Variants in CFAP299 observed in about 807,000 individuals in gnomAD.
CFAP299 encodes the protein cilia and flagella associated protein 299.
CFAP299 carries 21 observed loss-of-function variants against 27.0 expected under a neutral mutation model. The observed-to-expected ratio is 0.78, with a 90% CI of 0.55 to 1.12. The LOEUF (loss-of-function observed/expected upper bound fraction) is 1.12, where lower values mean the gene tolerates loss of function less well. Among genes scored for constraint, CFAP299 ranks in the 50% most tolerant of loss-of-function variants. The probability of loss-of-function intolerance (pLI) is 0.00; values close to 1 mark genes in which losing one functional copy is unlikely to be tolerated. For synonymous variants in CFAP299, 104 were observed against 98.1 expected (o/e 1.06, Z -0.36); for missense variants, 310 against 276.6 (o/e 1.12, Z -0.86).
chr4:80,381,380 A>ATTTTTTTTTTTTTTT (rs1225504235), intron 2 of CFAP299, among the ~76,000 whole-genome samples: 1 of 3,854 alleles, frequency 2.6e-4, no homozygotes, highest in African/African-American at 3.2e-4. Flanking sequence ...TAACATATAC[A>ATTTTTTTTTTTTTTT]TTTTTTTTTT....
At chr4:80,566,748 G>A (rs1735311985) in intron 2 of CFAP299, among the ~76,000 whole-genome samples, 1 of 152,034 alleles carries the variant, frequency 6.6e-6, no homozygotes, top group Non-Finnish European at 1.5e-5. Context: ...AGGTCAGGAA[G>A]TACATTCCAA....
chr4:80,818,539 T>C (rs1729540499), intron 3 of CFAP299, among the ~76,000 whole-genome samples: 1 of 152,138 alleles, frequency 6.6e-6, no homozygotes, highest in Admixed American at 6.6e-5. Flanking sequence ...AGTTTTACAA[T>C]CTTCTTTATA....
At chr4:80,732,682 A>C (rs1340915428) in intron 3 of CFAP299, among the ~76,000 whole-genome samples, 1 of 152,108 alleles carries the variant, frequency 6.6e-6, no homozygotes, top group Non-Finnish European at 1.5e-5. Context: ...GGTCCTCCAC[A>C]CTAAGTATTT....
chr4:80,894,207 C>T (rs572882732), intron 4 of CFAP299, among the ~76,000 whole-genome samples: 23 of 151,594 alleles, frequency 1.5e-4, no homozygotes, highest in Non-Finnish European at 2.5e-4. Flanking sequence ...ATTAAAAAGA[C>T]AAAAGATTTT....
intron 2 of CFAP299, among the ~76,000 whole-genome samples, chr4:80,524,958 A>G (rs1397787119): frequency 6.6e-6 from 1 of 152,052 alleles, no homozygotes; most frequent in Non-Finnish European, 1.5e-5. Context: ...GGTTGTTAGT[A>G]ATGTTTGTTA....
At position 80,447,119 on chromosome 4, in the gene CFAP299, G is replaced by GTTTT. The variant is rs71641487; in HGVS notation, c.242+84242_242+84245dup. Among the ~76,000 whole-genome samples the GTTTT allele has an allele frequency of 1.6e-3, 107 of 65,524 alleles. 3 individuals are homozygous for GTTTT. Among genetic ancestry groups the GTTTT allele is most frequent in the East Asian group, 5.9e-3 (11 of 1,874 alleles). The allele number at this position is 65,524 out of a possible 152,430, so 43.0% of individuals were successfully genotyped here. A position where few individuals can be genotyped will look rare whatever the true frequency, so the allele number is the denominator to read the frequency against. On this transcript the variant is annotated intron_variant, in intron 2 of 5. Coordinates refer to ENST00000358105, the MANE Select transcript of CFAP299 (RefSeq NM_152770.3). The stretch of plus-strand genomic sequence containing the variant: ...TTGTTTTTGTTTTTGCTTTTTATTT[G>GTTTT]TTTTTTTTTTGTTTTTTTTTTTTTT...
chr4:80,586,627 T>G (rs1736456755), intron 3 of CFAP299, among the ~76,000 whole-genome samples: 1 of 152,190 alleles, frequency 6.6e-6, no homozygotes, highest in African/African-American at 2.4e-5. Flanking sequence ...CTATAGTGCT[T>G]CTAATATAAT....
At chr4:80,948,547 T>C (rs1185352387) in intron 5 of CFAP299, among the ~76,000 whole-genome samples, 1 of 152,100 alleles carries the variant, frequency 6.6e-6, no homozygotes, top group African/African-American at 2.4e-5. Context: ...TACACTTTTT[T>C]TTTACTTTTC....
At chr4:80,501,560 T>C (rs747045409) in intron 2 of CFAP299, among the ~76,000 whole-genome samples, 1 of 148,472 alleles carries the variant, frequency 6.7e-6, no homozygotes, top group Non-Finnish European at 1.5e-5. Flanking sequence ...AGTATAAATA[T>C]ATAATTTATA....
intron 2 of CFAP299, among the ~76,000 whole-genome samples, chr4:80,538,520 A>C (rs1733854168): frequency 6.6e-6 from 1 of 151,916 alleles, no homozygotes; most frequent in African/African-American, 2.4e-5. Context: ...CAGTTCTATA[A>C]ACTTCATTAA....
intron 3 of CFAP299, among the ~76,000 whole-genome samples, chr4:80,662,121 C>T (rs1030907465): frequency 2.6e-5 from 4 of 152,234 alleles, no homozygotes; most frequent in South Asian, 2.1e-4. Context: ...CCTGTGATCT[C>T]GCCCTGCCTC....
At chr4:80,850,836 GAT>G (rs1445906697) in intron 3 of CFAP299, among the ~76,000 whole-genome samples, 4 of 151,924 alleles carry the variant, frequency 2.6e-5, no homozygotes, top group African/African-American at 7.3e-5. Flanking sequence ...TTTGAAATAA[GAT>G]ATTGGCAATC....
chr4:80,520,170 A>G (rs1489126485), intron 2 of CFAP299, among the ~76,000 whole-genome samples: 2 of 152,208 alleles, frequency 1.3e-5, no homozygotes, highest in Non-Finnish European at 2.9e-5. Flanking sequence ...CTCTGTTTTC[A>G]ATACCTAATG....
At chr4:80,504,858 G>A (rs1731937469) in intron 2 of CFAP299, among the ~76,000 whole-genome samples, 1 of 147,122 alleles carries the variant, frequency 6.8e-6, no homozygotes, top group African/African-American at 2.5e-5. Context: ...AATAAAAACA[G>A]GTAGAGTATA....
intron 2 of CFAP299, chr4:80,386,222 A>T: frequency 9.9e-7 from 1 of 1,008,568 alleles, no homozygotes; most frequent in Non-Finnish European, 1.5e-6. Context: ...AGCATGGCAC[A>T]TGGGCCCTCG....
rs529907522 is a variant in CFAP299, at chr4:80,587,942, T to A, written c.333+4759T>A. 1.7e-4 allele frequency among the ~76,000 whole-genome samples: 24 copies of A among 145,272 alleles called. 1 individual carries two copies. Among genetic ancestry groups the A allele is most frequent in the African/African-American group, 6.6e-4 (23 of 35,052 alleles). ...GGTTCCCTAAAAGCAGAGCATAGGA[T>A]GCCAATTTTAGTGCAAGCGATTTAT... On this transcript the variant is annotated intron_variant, in intron 3 of 5. Transcript: ENST00000358105.
rs559183181 is a variant in CFAP299 at position 80,607,998 on chromosome 4, A to G, written c.333+24815A>G. On this transcript the variant is annotated intron_variant, in intron 3 of 5. Coordinates refer to ENST00000358105, the MANE Select transcript of CFAP299 (RefSeq NM_152770.3). ...TTTGCCTAATTTTATTTTAGATTAG[A>G]ATGTAGTGTAGTGGAGACATTTAGA... is the stretch of plus-strand genomic sequence containing the variant. Among the ~76,000 whole-genome samples, 10 of 152,292 alleles carry G rather than the reference A, an allele frequency of 6.6e-5. No homozygotes were observed. The South Asian group carries it at 2.1e-3, about 32-fold the overall frequency.
intron 2 of CFAP299, among the ~76,000 whole-genome samples, chr4:80,399,911 A>G (rs185276059): frequency 6.6e-6 from 1 of 152,330 alleles, no homozygotes; most frequent in African/African-American, 2.4e-5. Context: ...TGACTTATAC[A>G]TTCTAAACCA....
chr4:80,449,492 T>G (rs1248446478), intron 2 of CFAP299, among the ~76,000 whole-genome samples: 1 of 151,882 alleles, frequency 6.6e-6, no homozygotes, highest in Non-Finnish European at 1.5e-5. Context: ...TTTTTTTACT[T>G]CAAGGTTTAG....
Sources: allele counts gnomAD v4.1 joint callset (sites outside exome capture counted in the v4.1 genomes callset), GRCh38; gene constraint gnomAD v4.1.1; transcripts MANE v1.5; gene names NCBI Gene and HGNC (gene_info 2026-07-23, HGNC 2026-07-21).